CTNND2: variants seen among roughly 807,000 people sequenced by gnomAD.
CTNND2 encodes the protein catenin delta-2.
CTNND2 carries 22 observed loss-of-function variants against 144.4 expected under a neutral mutation model. That is an observed-to-expected ratio of 0.15 (90% CI 0.11 to 0.22). CTNND2 has a LOEUF of 0.22. CTNND2 is among the 10% of genes least tolerant of loss of function. The pLI, the probability that CTNND2 is intolerant of heterozygous loss-of-function variation, is 1.00. For synonymous variants in CTNND2, 751 were observed against 695.6 expected (o/e 1.08, Z -1.25); for missense variants, 1,353 against 1,618.8 (o/e 0.84, Z 2.82).
At chr5:11,051,560 TAAA>T (rs1745827226) in intron 16 of CTNND2, among the ~76,000 whole-genome samples, 1 of 152,324 alleles carries the variant, frequency 6.6e-6, no homozygotes, top group East Asian at 1.9e-4. Context: ...TTGAGACTAA[TAAA>T]GAAGTATGTA....
At chr5:11,221,950 G>A (rs1363875122) in intron 10 of CTNND2, among the ~76,000 whole-genome samples, 1 of 152,206 alleles carries the variant, frequency 6.6e-6, no homozygotes, top group Non-Finnish European at 1.5e-5. Flanking sequence ...GTTAAACTAT[G>A]TCCCTGAAAA....
chr5:11,687,392 T>C (rs886162111), intron 2 of CTNND2, among the ~76,000 whole-genome samples: 3 of 152,190 alleles, frequency 2.0e-5, no homozygotes, highest in Admixed American at 6.5e-5. Flanking sequence ...AGATAAAGCA[T>C]GTTCTCTTTC....
At chr5:11,627,444 A>G (rs565724389) in intron 2 of CTNND2, among the ~76,000 whole-genome samples, 1 of 152,288 alleles carries the variant, frequency 6.6e-6, no homozygotes, top group Admixed American at 6.5e-5. Context: ...CTACTGGACC[A>G]TGATTCTATA....
intron 2 of CTNND2, among the ~76,000 whole-genome samples, chr5:11,691,800 G>A (rs1327716402): frequency 6.6e-6 from 1 of 152,104 alleles, no homozygotes; most frequent in Non-Finnish European, 1.5e-5. Flanking sequence ...TGAGGTGGGA[G>A]GATCACTAGA....
intron 14 of CTNND2, among the ~76,000 whole-genome samples, chr5:11,101,813 A>C (rs1419143219): frequency 1.3e-5 from 2 of 152,134 alleles, no homozygotes; most frequent in Non-Finnish European, 2.9e-5. Context: ...ATGAAGACAA[A>C]GTATTTCCAG....
At chr5:11,020,468 T>A (rs1203100400) in intron 17 of CTNND2, among the ~76,000 whole-genome samples, 2 of 152,158 alleles carry the variant, frequency 1.3e-5, no homozygotes, top group Non-Finnish European at 2.9e-5. Flanking sequence ...ATTATTAAAT[T>A]ATCCTCAGTT....
intron 21 of CTNND2, 56 bp downstream of exon 21, chr5:10,981,716 GT>G (rs1248993233): frequency 6.8e-7 from 1 of 1,474,676 alleles, no homozygotes; most frequent in African/African-American, 1.4e-5. Context: ...AAAATTCCAG[GT>G]TATTTCACAT....
chr5:11,677,568 G>C (rs1355010090), intron 2 of CTNND2, among the ~76,000 whole-genome samples: 2 of 152,194 alleles, frequency 1.3e-5, no homozygotes, highest in African/African-American at 2.4e-5. Context: ...ATGTGAAGTA[G>C]AGGAACCGGC....
At chr5:11,062,614 A>C (rs545314411) in intron 16 of CTNND2, among the ~76,000 whole-genome samples, 109 of 152,336 alleles carry the variant, frequency 7.2e-4, no homozygotes, top group African/African-American at 2.6e-3. Flanking sequence ...ACTACATGGG[A>C]ACAACGCCAA....
intron 16 of CTNND2, among the ~76,000 whole-genome samples, chr5:11,081,106 A>ACT (rs1749525427): frequency 8.0e-6 from 1 of 124,630 alleles, no homozygotes; most frequent in African/African-American, 2.7e-5. Flanking sequence ...ACACACACAC[A>ACT]CTCACACACA....
At chr5:11,434,529 A>T (rs934705018) in intron 3 of CTNND2, among the ~76,000 whole-genome samples, 1 of 152,244 alleles carries the variant, frequency 6.6e-6, no homozygotes, top group African/African-American at 2.4e-5. Flanking sequence ...GAAAGTAAAT[A>T]TTAAAATATA....
At chr5:11,892,399 A>G (rs1373699914) in intron 1 of CTNND2, among the ~76,000 whole-genome samples, 1 of 152,222 alleles carries the variant, frequency 6.6e-6, no homozygotes, top group Non-Finnish European at 1.5e-5. Flanking sequence ...AGTAAACATG[A>G]AAGTAACAAT....
intron 15 of CTNND2, among the ~76,000 whole-genome samples, chr5:11,088,828 T>A (rs1750452407): frequency 6.6e-6 from 1 of 152,228 alleles, no homozygotes; most frequent in African/African-American, 2.4e-5. Flanking sequence ...TATTAGCAAA[T>A]TCTTCAGAAG....
intron 9 of CTNND2, among the ~76,000 whole-genome samples, chr5:11,240,460 AACAC>A (rs534618877): frequency 8.0e-6 from 1 of 124,718 alleles, no homozygotes; most frequent in Non-Finnish European, 1.7e-5. Context: ...CACACCCCCC[AACAC>A]ACACACTCAC....
At chr5:11,253,536 A>C in intron 9 of CTNND2, among the ~76,000 whole-genome samples, 1 of 152,136 alleles carries the variant, frequency 6.6e-6, no homozygotes, top group Non-Finnish European at 1.5e-5. Context: ...CATGTAAGAC[A>C]TGCCTTTCAC....
At chr5:11,250,024 C>A (rs1022650336) in intron 9 of CTNND2, among the ~76,000 whole-genome samples, 1 of 152,172 alleles carries the variant, frequency 6.6e-6, no homozygotes, top group Non-Finnish European at 1.5e-5. Flanking sequence ...AAAAGCAAAG[C>A]AATTCCATAG....
intron 9 of CTNND2, among the ~76,000 whole-genome samples, chr5:11,344,794 T>G (rs2149737223): frequency 6.6e-6 from 1 of 152,054 alleles, no homozygotes; most frequent in South Asian, 2.1e-4. Context: ...GTCAATATAT[T>G]GAGAGAAGAA....
At chr5:11,580,906 T>C (rs1374510757) in intron 2 of CTNND2, among the ~76,000 whole-genome samples, 2 of 152,196 alleles carry the variant, frequency 1.3e-5, no homozygotes, top group African/African-American at 2.4e-5. Context: ...AGAGGTTTCA[T>C]CATTGTTTTT....
chr5:11,423,922 A>T (rs1042798933), intron 3 of CTNND2, among the ~76,000 whole-genome samples: 1 of 152,202 alleles, frequency 6.6e-6, no homozygotes, highest in Non-Finnish European at 1.5e-5. Flanking sequence ...TCAACAGAAG[A>T]TTTGTAAAAA....
Sources: allele counts gnomAD v4.1 joint callset (sites outside exome capture counted in the v4.1 genomes callset), GRCh38; gene constraint gnomAD v4.1.1; transcripts MANE v1.5; gene names NCBI Gene and HGNC (gene_info 2026-07-23, HGNC 2026-07-21).